The following RSRC1 variants were observed in gnomAD, a reference collection of about 807,000 sequenced individuals.
RSRC1 encodes the protein serine/Arginine-related protein 53.
A neutral mutation model predicts 49.1 loss-of-function variants in RSRC1; 39 were observed. The observed-to-expected ratio is 0.79, with a 90% CI of 0.61 to 1.04. RSRC1 has a LOEUF of 1.04. RSRC1 is among the 50% of genes least tolerant of loss of function. The pLI, the probability that RSRC1 is intolerant of heterozygous loss-of-function variation, is 0.00. For synonymous variants in RSRC1, 143 were observed against 130.8 expected, an observed-to-expected ratio of 1.09 and a Z score of -0.63; for missense variants, 388 against 402.4, an observed-to-expected ratio of 0.96 and a Z score of 0.31.
intron 6 of RSRC1, among the ~76,000 whole-genome samples, chr3:158,438,627 TG>T: frequency 6.6e-6 from 1 of 152,282 alleles, no homozygotes; most frequent in Non-Finnish European, 1.5e-5. Flanking sequence ...TGTAGAAAGC[TG>T]AAACTGGATC....
chr3:158,477,637 G>A (rs892024126), intron 7 of RSRC1, among the ~76,000 whole-genome samples: 6 of 151,378 alleles, frequency 4.0e-5, no homozygotes, highest in African/African-American at 1.2e-4. Flanking sequence ...TATGCACTAG[G>A]GAAGAGTAAA....
At chr3:158,131,856 TATTA>T (rs1318039830) in intron 3 of RSRC1, among the ~76,000 whole-genome samples, 7 of 152,198 alleles carry the variant, frequency 4.6e-5, no homozygotes, top group Non-Finnish European at 8.8e-5. Context: ...AACAAATATT[TATTA>T]ATTTGAAAAA....
intron 5 of RSRC1, among the ~76,000 whole-genome samples, chr3:158,340,466 G>A (rs767358629): frequency 9.2e-5 from 14 of 152,052 alleles, no homozygotes; most frequent in Admixed American, 3.9e-4. Context: ...GCTTGAACCC[G>A]GGAGGCGGAG....
intron 3 of RSRC1, among the ~76,000 whole-genome samples, chr3:158,176,309 T>G (rs146435595): frequency 1.3e-5 from 2 of 152,194 alleles, no homozygotes; most frequent in East Asian, 3.9e-4. Context: ...TACTTTAAAG[T>G]CCATATGGAA....
At chr3:158,189,984 C>T (rs1398363303) in intron 3 of RSRC1, among the ~76,000 whole-genome samples, 17 of 150,318 alleles carry the variant, frequency 1.1e-4, no homozygotes, top group African/African-American at 2.2e-4. Flanking sequence ...TTTTTTTTCC[C>T]GTAGCTTTGA....
At chr3:158,155,898 A>C (rs538362429) in intron 3 of RSRC1, among the ~76,000 whole-genome samples, 1 of 152,192 alleles carries the variant, frequency 6.6e-6, no homozygotes, top group African/African-American at 2.4e-5. Context: ...AATTCTTAAG[A>C]GCCCTAGGAT....
At chr3:158,136,948 G>A (rs995982439) in intron 3 of RSRC1, 2 of 152,094 alleles carry the variant, frequency 1.3e-5, no homozygotes, top group African/African-American at 4.8e-5. Context: ...CTCTGTTCTT[G>A]TAAGGACACT....
At chr3:158,145,737 C>T (rs1161488173) in intron 3 of RSRC1, among the ~76,000 whole-genome samples, 2 of 152,158 alleles carry the variant, frequency 1.3e-5, no homozygotes, top group African/African-American at 4.8e-5. Flanking sequence ...TGGCCATTTT[C>T]ACGATATTGC....
chr3:158,400,833 G>A (rs762846558), intron 6 of RSRC1, among the ~76,000 whole-genome samples: 1 of 151,984 alleles, frequency 6.6e-6, no homozygotes, highest in Non-Finnish European at 1.5e-5. Context: ...AAAGTCTACA[G>A]TAGTGTATTG....
At chr3:158,342,582 T>TATTA (rs907997835) in intron 5 of RSRC1, among the ~76,000 whole-genome samples, 47 of 152,338 alleles carry the variant, frequency 3.1e-4, no homozygotes, top group African/African-American at 1.1e-3. Context: ...CCTTATCAGC[T>TATTA]GCATGAAAAC....
At chr3:158,280,319 G>A (rs1007460134) in intron 4 of RSRC1, among the ~76,000 whole-genome samples, 3 of 151,938 alleles carry the variant, frequency 2.0e-5, no homozygotes, top group African/African-American at 7.3e-5. Flanking sequence ...TGTCTTATAG[G>A]TCCCTGTATT....
chr3:158,191,400 T>C (rs181435033), intron 3 of RSRC1, among the ~76,000 whole-genome samples: 1 of 152,214 alleles, frequency 6.6e-6, no homozygotes, highest in African/African-American at 2.4e-5. Context: ...CTACTTGAAG[T>C]ATTGTAGTTT....
intron 1 of RSRC1, among the ~76,000 whole-genome samples, chr3:158,115,141 A>C (rs1714713182): frequency 1.3e-5 from 2 of 152,194 alleles, no homozygotes; most frequent in Non-Finnish European, 2.9e-5. Context: ...GGTTTGTTGT[A>C]AATGGCTCTT....
At chr3:158,325,837 A>G (rs1328278061) in intron 5 of RSRC1, among the ~76,000 whole-genome samples, 2 of 152,104 alleles carry the variant, frequency 1.3e-5, no homozygotes, top group Non-Finnish European at 2.9e-5. Context: ...CCATTTTCAC[A>G]ATATTGATTC....
intron 6 of RSRC1, among the ~76,000 whole-genome samples, chr3:158,420,451 AT>A (rs1209908601): frequency 1.3e-5 from 2 of 151,920 alleles, no homozygotes; most frequent in Admixed American, 6.6e-5. Flanking sequence ...ATGTGAGAAG[AT>A]TACTATTCTG....
chr3:158,251,549 T>C (rs1044137104), intron 4 of RSRC1, among the ~76,000 whole-genome samples: 20 of 152,194 alleles, frequency 1.3e-4, no homozygotes, highest in Non-Finnish European at 1.9e-4. Flanking sequence ...TTAAATTAAT[T>C]CTTAAGAATT....
chr3:158,448,736 A>G (rs933478943), intron 6 of RSRC1, among the ~76,000 whole-genome samples: 5 of 151,942 alleles, frequency 3.3e-5, no homozygotes, highest in Non-Finnish European at 7.4e-5. Flanking sequence ...CTAATAAGTG[A>G]CATAGAAAAT....
intron 5 of RSRC1, among the ~76,000 whole-genome samples, chr3:158,318,662 T>C (rs1226826965): frequency 6.6e-6 from 1 of 152,182 alleles, no homozygotes; most frequent in Non-Finnish European, 1.5e-5. Flanking sequence ...TTGATCCCAC[T>C]AGATGCTGCT....
intron 4 of RSRC1, 89 bp downstream of exon 4, chr3:158,203,334 T>C: frequency 1.5e-6 from 2 of 1,347,636 alleles, no homozygotes; most frequent in Non-Finnish European, 2.0e-6. Context: ...GTTTTTCTTG[T>C]GGCTTATTTG....
Sources: allele counts gnomAD v4.1 joint callset (sites outside exome capture counted in the v4.1 genomes callset), GRCh38; gene constraint gnomAD v4.1.1; transcripts MANE v1.5; gene names NCBI Gene and HGNC (gene_info 2026-07-23, HGNC 2026-07-21).